The following TMC7 variants were observed in gnomAD, a reference collection of about 807,000 sequenced individuals.
The protein encoded by TMC7 is transmembrane channel-like protein 7.
Under a neutral mutation model 82.9 loss-of-function variants are expected in TMC7, and 54 were observed. That is an observed-to-expected ratio of 0.65 (90% CI 0.52 to 0.82). TMC7 has a LOEUF of 0.82. Among genes scored for constraint, TMC7 ranks in the 40% least tolerant of loss-of-function variants. The pLI is 0.00. For missense variants in TMC7, 820 were observed against 901.2 expected (o/e 0.91, Z 1.15); for synonymous variants, 350 against 337.9 (o/e 1.04, Z -0.39).
intron 1 of TMC7, among the ~76,000 whole-genome samples, chr16:19,006,587 C>G (rs907319503): frequency 6.6e-6 from 1 of 152,210 alleles, no homozygotes; most frequent in Non-Finnish European, 1.5e-5. Flanking sequence ...CTGACTTTAA[C>G]GTTTCCATTC....
At chr16:19,013,503 C>T (rs1959497443) in intron 2 of TMC7, among the ~76,000 whole-genome samples, 1 of 152,018 alleles carries the variant, frequency 6.6e-6, no homozygotes, top group African/African-American at 2.4e-5. Flanking sequence ...AGGCATGAGC[C>T]ACCGTGCCTG....
chr16:19,039,054 C>T (rs1041880539), intron 8 of TMC7, among the ~76,000 whole-genome samples: 6 of 151,534 alleles, frequency 4.0e-5, no homozygotes, highest in African/African-American at 1.5e-4. Flanking sequence ...TGGCTCTGCC[C>T]TCCCTAGGAT....
chr16:19,055,726 A>T (rs575399619), intron 13 of TMC7, among the ~76,000 whole-genome samples: 90 of 152,282 alleles, frequency 5.9e-4, no homozygotes, highest in Non-Finnish European at 6.8e-4. Flanking sequence ...ATTTAAATTT[A>T]AATTTTAAGT....
intron 5 of TMC7, 24 bp downstream of exon 5, chr16:19,023,219 G>C: frequency 6.9e-7 from 1 of 1,455,416 alleles, no homozygotes; most frequent in Non-Finnish European, 9.5e-7. Context: ...ATAATCCTTT[G>C]TTTAGCTCCT....
chr16:19,038,053 T>G lies in TMC7; in HGVS notation c.1179+6T>G. On this transcript the variant is annotated splice_donor_region_variant and intron_variant, in intron 8 of 15. Transcript: ENST00000304381. ...CGCAAGAGCACATGAAAAAGGTAAATTAACTTGTACTCTGGCTGGACATTA... is the reference window on the plus strand; with the variant it reads ...CGCAAGAGCACATGAAAAAGGTAAAGTAACTTGTACTCTGGCTGGACATTA... The G allele has an allele frequency of 8.7e-6, 14 of 1,612,724 alleles. No homozygotes were observed. The highest frequency in any genetic ancestry group is 1.1e-5 in the Non-Finnish European group (13 of 1,179,472).
At chr16:19,015,139 T>C (rs1210916389) in intron 2 of TMC7, among the ~76,000 whole-genome samples, 1 of 151,988 alleles carries the variant, frequency 6.6e-6, no homozygotes, top group African/African-American at 2.4e-5. Context: ...AATTTTGGTA[T>C]TTTCAGTAGA....
chr16:19,037,372 G>C (rs1301614639), intron 7 of TMC7, among the ~76,000 whole-genome samples: 1 of 116,840 alleles, frequency 8.6e-6, no homozygotes, highest in Non-Finnish European at 1.7e-5. Flanking sequence ...TGGCAACAGA[G>C]CGAGACTCTG....
At chr16:19,057,164 C>T (rs1961815340) in intron 14 of TMC7, among the ~76,000 whole-genome samples, 1 of 151,902 alleles carries the variant, frequency 6.6e-6, no homozygotes, top group Non-Finnish European at 1.5e-5. Context: ...AATAAATAAA[C>T]TAGGCATAAT....
intron 2 of TMC7, among the ~76,000 whole-genome samples, chr16:19,012,559 C>A (rs772601979): frequency 6.6e-6 from 1 of 151,718 alleles, no homozygotes; most frequent in African/African-American, 2.4e-5. Context: ...GAGGCCAAGG[C>A]GGGTGGATCA....
intron 1 of TMC7, 137 bp downstream of exon 1, chr16:18,984,267 C>G: frequency 1.5e-6 from 2 of 1,338,294 alleles, no homozygotes; most frequent in Non-Finnish European, 1.9e-6. Flanking sequence ...CTCTGGGGAA[C>G]AGCAGGTGGG....
Position 19,044,961 on chromosome 16 carries a change from A to G in TMC7, c.1415A>G (p.Asp472Gly), listed in dbSNP as rs748427190. Residue 472 changes from aspartate (D) to glycine (G), a missense_variant, in exon 10 of 16, where the codon GAC (aspartate) becomes GGC (glycine). By Grantham distance (94) the Asp-to-Gly change is moderately conservative. Around this residue, in one of 2 missense-constraint regions of TMC7, gnomAD observed 650 missense variants for 669.9 expected, o/e 0.97. Coordinates refer to ENST00000304381, the MANE Select transcript of TMC7 (RefSeq NM_024847.4). Reference protein sequence around the residue: ...LGSKITSCDDDTCDLCGYNQK... With the variant: ...LGSKITSCDDGTCDLCGYNQK... ...TCCAAGATCACATCCTGTGATGATG[A>G]CACATGTGACCTTTGCGGCTACAAC... 6.2e-7 allele frequency: 1 copy of G among 1,613,832 alleles called. No individual in the cohort carries two copies. Among genetic ancestry groups the G allele is most frequent in the Non-Finnish European group, 8.5e-7 (1 of 1,179,990 alleles).
chr16:19,026,543 G>T (rs1960238226), intron 5 of TMC7, among the ~76,000 whole-genome samples: 2 of 151,466 alleles, frequency 1.3e-5, no homozygotes, highest in Admixed American at 1.3e-4. Flanking sequence ...CATTTCTTTA[G>T]ATTACATCCC....
rs532737190 is a variant in TMC7, at chr16:19,006,983, GT to G, written c.68-2176del. Among the ~76,000 whole-genome samples, 96 of 144,408 alleles carry G rather than the reference GT, an allele frequency of 6.6e-4. 1 individual carries two copies. Among genetic ancestry groups the G allele is most frequent in the Admixed American group, 8.4e-4 (12 of 14,364 alleles). 94.7% of individuals were successfully genotyped at this position (144,408 alleles called of 152,430 possible). A position where few individuals can be genotyped will look rare whatever the true frequency, so the allele number is the denominator to read the frequency against. ...AGGCGCGTGCCACCACGTGCAGCTA[GT>G]TTTTTTTTTTTTGTATTTTTAGTAG... On this transcript the variant is annotated intron_variant, in intron 1 of 15. Coordinates refer to ENST00000304381, the MANE Select transcript of TMC7 (RefSeq NM_024847.4).
intron 1 of TMC7, among the ~76,000 whole-genome samples, chr16:19,003,336 G>A (rs1407629811): frequency 1.3e-5 from 2 of 152,174 alleles, no homozygotes; most frequent in African/African-American, 4.8e-5. Context: ...AAATACCAGG[G>A]CAACGGCCGC....
chr16:19,035,610 A>T, intron 6 of TMC7, 66 bp from the exon 7 acceptor site: 1 of 1,602,272 alleles, frequency 6.2e-7, no homozygotes, highest in Non-Finnish European at 8.5e-7. Flanking sequence ...TTTCAGACAC[A>T]GCCAATTCAG....
chr16:19,040,450 A>G lies in TMC7; in HGVS notation c.1337+4A>G. 1 of 1,607,742 alleles carries G rather than the reference A, an allele frequency of 6.2e-7. No homozygotes were observed. Among genetic ancestry groups the G allele is most frequent in the African/African-American group, 1.3e-5 (1 of 74,928 alleles). On this transcript the variant is annotated splice_donor_region_variant and intron_variant, in intron 9 of 15. Transcript: ENST00000304381. Reference sequence around the variant, plus strand: ...AGATCCGTCTGACAATCCTTAGGTAATGCCTAACATGAAGATGGCAGGCAT... The same window carrying G: ...AGATCCGTCTGACAATCCTTAGGTAGTGCCTAACATGAAGATGGCAGGCAT...
At chr16:19,012,442 G>A (rs938613947) in intron 2 of TMC7, among the ~76,000 whole-genome samples, 6 of 152,064 alleles carry the variant, frequency 3.9e-5, no homozygotes, top group African/African-American at 1.4e-4. Flanking sequence ...GAAACTAACA[G>A]ACTCTCATGA....
At chr16:19,035,899 T>G (rs923108301) in intron 7 of TMC7, 76 bp downstream of exon 7, 1 of 1,494,334 alleles carries the variant, frequency 6.7e-7, no homozygotes, top group African/African-American at 1.4e-5. Flanking sequence ...GTTTTCAGCT[T>G]GCAGAGGATC....
intron 12 of TMC7, chr16:19,049,515 T>G: frequency 1.8e-6 from 1 of 563,372 alleles, no homozygotes; most frequent in Non-Finnish European, 2.3e-6. Context: ...TGAAGAATGT[T>G]CTGATGCTTT....
Sources: gnomAD v4.1 joint callset for allele counts (sites outside exome capture counted in the v4.1 genomes callset) on GRCh38, gnomAD v4.1.1 for gene constraint, gnomAD v4.1.1 regional missense constraint, MANE v1.5 for transcripts, NCBI Gene and HGNC (gene_info 2026-07-23, HGNC 2026-07-21) for gene names.